Variants in MAPK3 observed in about 807,000 individuals in gnomAD.
MAPK3 encodes mitogen-activated protein kinase 3, also known as MAPK 1.
In MAPK3, 30 loss-of-function variants were observed where a neutral mutation model predicts 41.8. That is an observed-to-expected ratio of 0.72 (90% CI 0.54 to 0.97). MAPK3 has a LOEUF of 0.97. Ranked by LOEUF, MAPK3 falls within the 50% of genes least tolerant of loss-of-function variation. The pLI is 0.00. For missense variants in MAPK3, 413 were observed against 509.9 expected, an observed-to-expected ratio of 0.81 and a Z score of 1.83; for synonymous variants, 222 against 213.4, an observed-to-expected ratio of 1.04 and a Z score of -0.35.
rs761966720 is a variant in MAPK3 at position 30,118,210 on chromosome 16, G to A, written c.544-47C>T. On this transcript the variant is annotated intron_variant, in intron 3 of 8. Transcript: ENST00000263025. ...AAGCTCGGCGCTCAAGGCCTCTGCAGCCTAAGCAGTCACGCCCCCTTGTCT... is the reference window on the plus strand; with the variant it reads ...AAGCTCGGCGCTCAAGGCCTCTGCAACCTAAGCAGTCACGCCCCCTTGTCT... 4.4e-6 allele frequency: 7 copies of A among 1,587,588 alleles called. No individual in the cohort carries two copies. In the East Asian group the frequency reaches 1.3e-4, roughly 30 times the overall value.
chr16:30,122,418 G>A (rs1038275670), intron 1 of MAPK3: 15 of 292,712 alleles, frequency 5.1e-5, no homozygotes, highest in South Asian at 5.0e-4. Context: ...GAATGGACAG[G>A]GCAGGGGAGG....
chr16:30,115,653 G>A (rs1248445142), intron 8 of MAPK3: 2 of 152,236 alleles, frequency 1.3e-5, no homozygotes, highest in African/African-American at 2.4e-5. Context: ...TTCCTAGAAG[G>A]AGATTAGAAT....
At chr16:30,122,935 G>T (rs2073031393) in intron 1 of MAPK3, 105 bp downstream of exon 1, 1 of 1,069,700 alleles carries the variant, frequency 9.3e-7, no homozygotes, top group Admixed American at 3.8e-5. Context: ...GCCTCCTCGG[G>T]ACGCTCCGCG....
chr16:30,117,127 C>A, intron 6 of MAPK3, 27 bp downstream of exon 6: 2 of 1,613,838 alleles, frequency 1.2e-6, no homozygotes, highest in South Asian at 2.2e-5. Flanking sequence ...AAGGTTTATC[C>A]CACACCCACC....
rs559183760 is a variant in MAPK3 at position 30,123,184 on chromosome 16, C to G, written c.26G>C (p.Gly9Ala). ...GGTTCTACGGGGCTCCCCGCCCCCG[C>G]CCCCCTGAGCCGCCGCCGCCGCCAT... MAAAAAQG[G>A]GGGEPRRTEG... The change falls in exon 1 of 9, where the codon GGC becomes GCC. Residue 9 changes from glycine to alanine, a missense_variant. Transcript: ENST00000263025. 20 of 1,299,614 alleles carry G rather than the reference C, an allele frequency of 1.5e-5. No individual in the cohort carries two copies. The South Asian group carries it at 3.0e-4, about 19-fold the overall frequency. 80.5% of individuals were successfully genotyped at this position (1,299,614 alleles called of 1,614,324 possible).
intron 2 of MAPK3, 101 bp from the exon 3 acceptor site, chr16:30,118,639 A>G: frequency 1.1e-6 from 1 of 945,016 alleles, no homozygotes; most frequent in Admixed American, 2.5e-5. Flanking sequence ...TCCTCCAGCC[A>G]GGGCCCCTGG....
In MAPK3 at chr16:30,116,685, C is replaced by T; in HGVS notation, c.1123G>A (p.Val375Met). Residue 375 changes from valine to methionine, a missense_variant, in exon 8 of 9, where the codon GTG becomes ATG. Transcript: ENST00000263025. ...FQETARFQPGVLEAP is the reference protein window; with the variant it reads ...FQETARFQPGMLEAP The stretch of plus-strand genomic sequence containing the variant: ...TGTCTGGGCTAGGGGGCCTCCAGCA[C>T]TCCGGGCTGGAAGCGTGCTGTCTCC... The T allele has an allele frequency of 1.9e-6, 3 of 1,613,660 alleles. No individual in the cohort carries two copies. Among genetic ancestry groups the T allele is most frequent in the Non-Finnish European group, 2.5e-6 (3 of 1,180,000 alleles).
intron 3 of MAPK3, 85 bp downstream of exon 3, chr16:30,118,264 T>C: frequency 6.4e-7 from 1 of 1,571,414 alleles, no homozygotes; most frequent in East Asian, 2.2e-5. Context: ...TTGCTTGCAA[T>C]GTTCTCCTGC....
At chr16:30,118,627 C>T (rs2072984538) in intron 2 of MAPK3, 89 bp from the exon 3 acceptor site, 8 of 1,051,076 alleles carry the variant, frequency 7.6e-6, no homozygotes, top group Admixed American at 4.6e-5. Flanking sequence ...AGGCTGCACA[C>T]CTCCTCCAGC....
rs1290296092 is a variant in MAPK3, at chr16:30,117,677, G to A, written c.768C>T (p.His256=). 6 of 1,613,140 alleles carry A rather than the reference G, an allele frequency of 3.7e-6. No homozygotes were observed. In the African/African-American group the frequency reaches 8.0e-5, roughly 22 times the overall value. ...PGKHYLDQLN[H]ILGILGSPSQ... ...CAGCCGGGCCTCCCTCACCCAGAAT[G>A]TGGTTGAGCTGATCCAGGTAGTGCT... Residue 256 remains histidine (H), a synonymous_variant, in exon 5 of 9, where the codon CAC becomes CAT. Coordinates refer to ENST00000263025, the MANE Select transcript of MAPK3 (RefSeq NM_002746.3).
Position 30,123,130 on chromosome 16 carries a change from T to TC in MAPK3, c.79dup (p.Glu27GlyfsTer35). On this transcript the variant is annotated frameshift_variant, in exon 1 of 9. Coordinates refer to ENST00000263025, the MANE Select transcript of MAPK3 (RefSeq NM_002746.3). LOFTEE classifies it high-confidence loss of function. ...CGGCTGCCCCTTCACCATCTCCACC[T>TC]CCCCCGGGACCCCCGGGCCGACCCC... 1.3e-6 allele frequency: 2 copies of TC among 1,510,372 alleles called. No individual in the cohort carries two copies. Among genetic ancestry groups the TC allele is most frequent in the Non-Finnish European group, 1.8e-6 (2 of 1,128,390 alleles). The allele number at this position is 1,510,372 out of a possible 1,614,324, so 93.6% of individuals were successfully genotyped here. A position where few individuals can be genotyped will look rare whatever the true frequency, so the allele number is the denominator to read the frequency against.
intron 3 of MAPK3, 53 bp from the exon 4 acceptor site, chr16:30,118,216 G>A (rs2072979418): frequency 1.3e-6 from 2 of 1,581,496 alleles, no homozygotes; most frequent in East Asian, 2.2e-5. Flanking sequence ...TGCAGCCTAA[G>A]CAGTCACGCC....
intron 5 of MAPK3, 33 bp downstream of exon 5, chr16:30,117,637 C>A: frequency 6.5e-7 from 1 of 1,548,300 alleles, no homozygotes; most frequent in South Asian, 1.1e-5. Flanking sequence ...AAAAGCTAAT[C>A]ATCCCCAACT....
At chr16:30,119,156 T>TAA (rs35666305) in intron 2 of MAPK3, among the ~76,000 whole-genome samples, 3,943 of 136,152 alleles carry the variant, frequency 0.029, 75 homozygotes, top group Admixed American at 0.059. Context: ...ATAAATAAAT[T>TAA]AAAAAAAAAA....
At chr16:30,121,043 GA>G (rs953164519) in intron 2 of MAPK3, among the ~76,000 whole-genome samples, 8 of 146,308 alleles carry the variant, frequency 5.5e-5, no homozygotes, top group South Asian at 2.2e-4. Context: ...AGGTGTAATA[GA>G]AAAAAAAAAG....
intron 5 of MAPK3, 56 bp from the exon 6 acceptor site, chr16:30,117,341 AT>A (rs1212703295): frequency 1.3e-6 from 2 of 1,585,550 alleles, no homozygotes; most frequent in African/African-American, 2.7e-5. Flanking sequence ...TGGGAACAGA[AT>A]AGGCAACAAG....
chr16:30,119,605 A>T (rs1321984232), intron 2 of MAPK3, among the ~76,000 whole-genome samples: 1 of 152,160 alleles, frequency 6.6e-6, no homozygotes, highest in East Asian at 1.9e-4. Context: ...TAAATGAGAT[A>T]ATGTATGAAC....
intron 8 of MAPK3, chr16:30,115,801 G>C (rs1373365525): frequency 6.6e-6 from 1 of 151,706 alleles, no homozygotes; most frequent in East Asian, 1.9e-4. Flanking sequence ...TGTAGTCCAG[G>C]CTGGAGTGCA....
rs1197559363 is a variant in MAPK3 at position 30,123,084 on chromosome 16, G to A, written c.126C>T (p.Tyr42=). 1 of 1,574,844 alleles carries A rather than the reference G, an allele frequency of 6.3e-7. No individual in the cohort carries two copies. The highest frequency in any genetic ancestry group is 1.8e-5 in the Admixed American group (1 of 56,496). ...KGQPFDVGPR[Y]TQLQYIGEGA... ...CCTCGCCGATGTACTGCAACTGCGT[G>A]TAGCGCGGGCCCACGTCGAACGGCT... The change falls in exon 1 of 9, where the codon TAC becomes TAT. Residue 42 remains tyrosine (Y), a synonymous_variant. Coordinates refer to ENST00000263025, the MANE Select transcript of MAPK3 (RefSeq NM_002746.3).
Sources: gnomAD v4.1 joint callset for allele counts (sites outside exome capture counted in the v4.1 genomes callset) on GRCh38, gnomAD v4.1.1 for gene constraint, MANE v1.5 for transcripts, NCBI Gene and HGNC (gene_info 2026-07-23, HGNC 2026-07-21) for gene names.